BNC2: variants seen among roughly 807,000 people sequenced by gnomAD.
BNC2 encodes basonuclin zinc finger protein 2, also known as zinc finger protein basonuclin-2.
BNC2 carries 20 observed loss-of-function variants against 76.3 expected under a neutral mutation model. The observed-to-expected ratio is 0.26, with a 90% CI of 0.18 to 0.38. The LOEUF (loss-of-function observed/expected upper bound fraction) is 0.38, where lower values mean the gene tolerates loss of function less well. Ranked by LOEUF, BNC2 falls within the 10% of genes least tolerant of loss-of-function variation. The pLI, the probability that BNC2 is intolerant of heterozygous loss-of-function variation, is 1.00. For synonymous variants in BNC2, 582 were observed against 514.8 expected, an observed-to-expected ratio of 1.13 and a Z score of -1.77; for missense variants, 1,382 against 1,399.8, an observed-to-expected ratio of 0.99 and a Z score of 0.20.
chr9:16,856,423 C>A lies in BNC2; in HGVS notation c.3+14223G>T, dbSNP rs561784675. 1.1e-4 allele frequency among the ~76,000 whole-genome samples: 16 copies of A among 152,244 alleles called. No individual in the cohort carries two copies. The South Asian group carries it at 3.3e-3, about 32-fold the overall frequency. On this transcript the variant is annotated intron_variant, in intron 1 of 6. Coordinates refer to ENST00000380672, the MANE Select transcript of BNC2 (RefSeq NM_017637.6). ...ACCAATGCACAGATATAAATAAATT[C>A]TTGAAGCGAAAATATTTCTTATTTA...
chr9:16,556,098 G>A (rs1440188850), intron 4 of BNC2, among the ~76,000 whole-genome samples: 1 of 152,006 alleles, frequency 6.6e-6, no homozygotes, highest in Non-Finnish European at 1.5e-5. Flanking sequence ...CCAAGAGTTT[G>A]AGATCAGCTT....
At chr9:16,752,756 C>T (rs879772247) in intron 1 of BNC2, among the ~76,000 whole-genome samples, 26 of 152,134 alleles carry the variant, frequency 1.7e-4, no homozygotes, top group Admixed American at 5.2e-4. Flanking sequence ...AATACAATAA[C>T]TTGCCGTATT....
chr9:16,454,523 T>C (rs1490644374), intron 5 of BNC2, among the ~76,000 whole-genome samples: 1 of 152,178 alleles, frequency 6.6e-6, no homozygotes, highest in East Asian at 1.9e-4. Flanking sequence ...AGGCTGGTCT[T>C]GAACTCCTGA....
chr9:16,763,225 C>T (rs913671977), intron 1 of BNC2, among the ~76,000 whole-genome samples: 1 of 152,086 alleles, frequency 6.6e-6, no homozygotes, highest in African/African-American at 2.4e-5. Context: ...AGAGTAATTC[C>T]GTTCCCCTCC....
At chr9:16,760,563 C>T (rs1006806523) in intron 1 of BNC2, among the ~76,000 whole-genome samples, 10 of 152,102 alleles carry the variant, frequency 6.6e-5, no homozygotes, top group African/African-American at 2.4e-4. Flanking sequence ...TTAGCAACTA[C>T]AGGGATATGA....
intron 1 of BNC2, among the ~76,000 whole-genome samples, chr9:16,777,866 GA>G (rs1398855349): frequency 6.6e-6 from 1 of 152,100 alleles, no homozygotes. Flanking sequence ...CCATACAATG[GA>G]ATTCTCTGAG....
At chr9:16,682,070 T>C (rs1055864147) in intron 3 of BNC2, among the ~76,000 whole-genome samples, 2 of 151,992 alleles carry the variant, frequency 1.3e-5, no homozygotes, top group African/African-American at 2.4e-5. Context: ...TGGGGGGATG[T>C]TGTGGATGTA....
chr9:16,664,690 GAAAAAAACAAAAACAAAAAAAACAA>G (rs1466097279), intron 3 of BNC2, among the ~76,000 whole-genome samples: 16 of 137,834 alleles, frequency 1.2e-4, no homozygotes, highest in African/African-American at 4.4e-4. Flanking sequence ...GGGTATTCAG[GAAAAAAACAAAAACAAAAAAAACAA>G]AAAAAAACAA....
chr9:16,855,632 G>A (rs893034779), intron 1 of BNC2, among the ~76,000 whole-genome samples: 1 of 152,076 alleles, frequency 6.6e-6, no homozygotes, highest in Non-Finnish European at 1.5e-5. Context: ...CCACCTCCCG[G>A]GTTCACGCCA....
chr9:16,768,803 G>GAT (rs1788114080), intron 1 of BNC2, among the ~76,000 whole-genome samples: 1 of 152,176 alleles, frequency 6.6e-6, no homozygotes, highest in South Asian at 2.1e-4. Flanking sequence ...TATCAAAAGC[G>GAT]ATATATGACT....
At chr9:16,699,520 T>C (rs1195181765) in intron 3 of BNC2, among the ~76,000 whole-genome samples, 3 of 152,218 alleles carry the variant, frequency 2.0e-5, no homozygotes, top group South Asian at 2.1e-4. Context: ...TTTTTTAAAC[T>C]AGTAATTGAA....
chr9:16,783,415 C>A (rs1826204592), intron 1 of BNC2, among the ~76,000 whole-genome samples: 1 of 152,164 alleles, frequency 6.6e-6, no homozygotes, highest in Admixed American at 6.5e-5. Flanking sequence ...TCTACAAGTA[C>A]AATATTTATG....
At chr9:16,762,427 G>C (rs1000943237) in intron 1 of BNC2, among the ~76,000 whole-genome samples, 1 of 152,144 alleles carries the variant, frequency 6.6e-6, no homozygotes, top group African/African-American at 2.4e-5. Flanking sequence ...AATGAAAGTT[G>C]CAAGTGGGAA....
At chr9:16,754,932 T>C (rs1374192739) in intron 1 of BNC2, among the ~76,000 whole-genome samples, 2 of 152,150 alleles carry the variant, frequency 1.3e-5, no homozygotes, top group South Asian at 4.1e-4. Context: ...CAAGAAGCAC[T>C]TGAGGGCCAC....
chr9:16,421,919 C>T (rs149029987), intron 6 of BNC2, among the ~76,000 whole-genome samples: 165 of 152,270 alleles, frequency 1.1e-3, no homozygotes, highest in Admixed American at 1.6e-3. Context: ...ACACATTTTG[C>T]GATGACTGTA....
chr9:16,626,692 C>T (rs925959040), intron 3 of BNC2, among the ~76,000 whole-genome samples: 22 of 152,148 alleles, frequency 1.4e-4, no homozygotes, highest in African/African-American at 5.1e-4. Flanking sequence ...CACACACACA[C>T]ACACACACCC....
At chr9:16,499,359 T>A (rs1822469475) in intron 5 of BNC2, among the ~76,000 whole-genome samples, 1 of 152,066 alleles carries the variant, frequency 6.6e-6, no homozygotes, top group Non-Finnish European at 1.5e-5. Context: ...TTTGTATTAA[T>A]CTACTGTTAA....
intron 5 of BNC2, among the ~76,000 whole-genome samples, chr9:16,519,126 C>A (rs574359988): frequency 2.7e-4 from 41 of 152,278 alleles, no homozygotes; most frequent in African/African-American, 7.5e-4. Flanking sequence ...CTGGCCCTAC[C>A]TTCTCAGCTG....
At chr9:16,716,893 T>TCA (rs1824010804) in intron 3 of BNC2, among the ~76,000 whole-genome samples, 1 of 152,194 alleles carries the variant, frequency 6.6e-6, no homozygotes, top group African/African-American at 2.4e-5. Flanking sequence ...CAATCGGACT[T>TCA]TAATCCCCAA....
Sources: allele counts gnomAD v4.1 joint callset (sites outside exome capture counted in the v4.1 genomes callset), GRCh38; gene constraint gnomAD v4.1.1; transcripts MANE v1.5; gene names NCBI Gene and HGNC (gene_info 2026-07-23, HGNC 2026-07-21).